The following OXR1 variants were observed in gnomAD, a reference collection of about 807,000 sequenced individuals.
The protein encoded by OXR1 is oxidation resistance protein 1.
Under a neutral mutation model 104.6 loss-of-function variants are expected in OXR1, and 41 were observed. That is an observed-to-expected ratio of 0.39 (90% CI 0.31 to 0.51). OXR1 has a LOEUF of 0.51. OXR1 is among the 20% of genes least tolerant of loss of function. The pLI is 0.77. For synonymous variants in OXR1, 348 were observed against 348.4 expected (o/e 1.00, Z 0.01); for missense variants, 955 against 1,031.9 (o/e 0.93, Z 1.02).
intron 2 of OXR1, among the ~76,000 whole-genome samples, chr8:106,508,524 C>T (rs954834204): frequency 3.3e-5 from 5 of 152,006 alleles, no homozygotes; most frequent in Non-Finnish European, 7.4e-5. Flanking sequence ...GTAGCTAATC[C>T]GAATTTCGAT....
chr8:106,429,397 C>G (rs529672326), intron 2 of OXR1, among the ~76,000 whole-genome samples: 1 of 152,100 alleles, frequency 6.6e-6, no homozygotes, highest in African/African-American at 2.4e-5. Context: ...TAGTGGCTCA[C>G]GTCTGTAATC....
At chr8:106,560,440 T>G (rs1212270919) in intron 3 of OXR1, among the ~76,000 whole-genome samples, 1 of 152,176 alleles carries the variant, frequency 6.6e-6, no homozygotes, top group Non-Finnish European at 1.5e-5. Flanking sequence ...ATGGGAGTTG[T>G]GTAAAACTGG....
chr8:106,412,201 T>C (rs1370737712), intron 2 of OXR1, among the ~76,000 whole-genome samples: 1 of 152,146 alleles, frequency 6.6e-6, no homozygotes, highest in Non-Finnish European at 1.5e-5. Flanking sequence ...TTTTTTCTGA[T>C]CACTTTCACT....
intron 2 of OXR1, among the ~76,000 whole-genome samples, chr8:106,493,498 G>A (rs1040737235): frequency 7.7e-6 from 1 of 129,214 alleles, no homozygotes; most frequent in African/African-American, 3.0e-5. Flanking sequence ...AACCTCTGAG[G>A]ATGGGCCCCA....
At chr8:106,613,571 G>T (rs1820970563) in intron 3 of OXR1, among the ~76,000 whole-genome samples, 1 of 152,160 alleles carries the variant, frequency 6.6e-6, no homozygotes, top group African/African-American at 2.4e-5. Context: ...GCTAATTTTT[G>T]TATTTTTAGT....
At chr8:106,425,428 T>C (rs1183000719) in intron 2 of OXR1, among the ~76,000 whole-genome samples, 1 of 152,190 alleles carries the variant, frequency 6.6e-6, no homozygotes, top group East Asian at 1.9e-4. Context: ...TACAGTCTTA[T>C]AGAGAATATA....
At chr8:106,348,572 A>G (rs192512910) in intron 1 of OXR1, among the ~76,000 whole-genome samples, 2 of 152,166 alleles carry the variant, frequency 1.3e-5, no homozygotes, top group African/African-American at 2.4e-5. Context: ...TGAACCTTTA[A>G]TGACTCATTA....
intron 2 of OXR1, among the ~76,000 whole-genome samples, chr8:106,368,287 A>G (rs1816562443): frequency 6.7e-6 from 1 of 150,180 alleles, no homozygotes; most frequent in Non-Finnish European, 1.5e-5. Context: ...AAGGTAATGG[A>G]AAACCATTTT....
chr8:106,608,129 A>AT (rs1430465013), intron 3 of OXR1, among the ~76,000 whole-genome samples: 2 of 152,024 alleles, frequency 1.3e-5, no homozygotes, highest in South Asian at 2.1e-4. Flanking sequence ...AAAAAACATT[A>AT]TTTTTTTTAA....
At chr8:106,701,097 C>T (rs573111127) in intron 7 of OXR1, among the ~76,000 whole-genome samples, 1 of 152,000 alleles carries the variant, frequency 6.6e-6, no homozygotes, top group South Asian at 2.1e-4. Flanking sequence ...GTATGTGACC[C>T]AGGAATACAA....
chr8:106,740,295 A>G, intron 13 of OXR1, 48 bp from the exon 14 acceptor site: 2 of 1,505,566 alleles, frequency 1.3e-6, no homozygotes, highest in Non-Finnish European at 1.8e-6. Context: ...TATTCTACAT[A>G]ATGAACAACA....
At chr8:106,735,243 C>T (rs1257579468) in intron 11 of OXR1, among the ~76,000 whole-genome samples, 2 of 150,120 alleles carry the variant, frequency 1.3e-5, no homozygotes, top group African/African-American at 4.9e-5. Context: ...TTTCTGTATC[C>T]TCACCCATCA....
Position 106,311,708 on chromosome 8 carries a change from T to C in OXR1, c.-139+41341T>C, listed in dbSNP as rs1169482853. On this transcript the variant is annotated intron_variant, in intron 1 of 16. Transcript: ENST00000517566. ...CAACCATTTTTCTCAGCCCTACCTA[T>C]ACCACTGCCTTCAAAAATACAAATA... Among the ~76,000 whole-genome samples, 3 of 152,296 alleles carry C rather than the reference T, an allele frequency of 2.0e-5. No individual in the cohort carries two copies. In the East Asian group the frequency reaches 5.8e-4, roughly 29 times the overall value.
At chr8:106,287,550 A>C (rs1490783138) in intron 1 of OXR1, among the ~76,000 whole-genome samples, 1 of 152,170 alleles carries the variant, frequency 6.6e-6, no homozygotes, top group Non-Finnish European at 1.5e-5. Context: ...AATTTCCCAC[A>C]TGGCATCATA....
chr8:106,620,061 T>C (rs1029674227), intron 3 of OXR1, among the ~76,000 whole-genome samples: 2 of 152,148 alleles, frequency 1.3e-5, no homozygotes, highest in African/African-American at 4.8e-5. Flanking sequence ...GCAATGAATA[T>C]TTCATATATA....
At chr8:106,729,124 T>A (rs533390241) in intron 11 of OXR1, among the ~76,000 whole-genome samples, 1 of 152,270 alleles carries the variant, frequency 6.6e-6, no homozygotes, top group East Asian at 1.9e-4. Context: ...TACCAAATAT[T>A]GTTCTAAACA....
Position 106,273,635 on chromosome 8 carries a change from C to G in OXR1, c.-139+3268C>G, listed in dbSNP as rs142666386. 6.0e-3 allele frequency among the ~76,000 whole-genome samples: 912 copies of G among 152,304 alleles called. 5 individuals are homozygous for G. Among genetic ancestry groups the G allele is most frequent in the Non-Finnish European group, 9.8e-3 (667 of 68,028 alleles). On this transcript the variant is annotated intron_variant, in intron 1 of 16. Coordinates refer to ENST00000517566, the MANE Select transcript of OXR1 (RefSeq NM_001198533.2). ...ATGTGCTTAACATTAAAAGCAACCC[C>G]TTTTAGGATACTTTCAAATATTCCT...
intron 1 of OXR1, among the ~76,000 whole-genome samples, chr8:106,328,836 A>T (rs1814588439): frequency 6.6e-6 from 1 of 152,234 alleles, no homozygotes. Flanking sequence ...TTAGCAACTG[A>T]AATAACCTAG....
At chr8:106,408,122 A>G (rs745915283) in intron 2 of OXR1, among the ~76,000 whole-genome samples, 3 of 152,176 alleles carry the variant, frequency 2.0e-5, no homozygotes, top group Non-Finnish European at 4.4e-5. Context: ...TGCTCATCAA[A>G]GAATCATCGA....
Sources: gnomAD v4.1 joint callset for allele counts (sites outside exome capture counted in the v4.1 genomes callset) on GRCh38, gnomAD v4.1.1 for gene constraint, MANE v1.5 for transcripts, NCBI Gene and HGNC (gene_info 2026-07-23, HGNC 2026-07-21) for gene names.